Variants in RP1L1 observed in about 807,000 individuals in gnomAD.
RP1L1 encodes the protein retinitis pigmentosa 1-like 1 protein.
In RP1L1, 27 loss-of-function variants were observed where a neutral mutation model predicts 15.7. The observed-to-expected ratio is 1.72, with a 90% CI of 1.27 to 2.38. The LOEUF (loss-of-function observed/expected upper bound fraction) is 2.38, where lower values mean the gene tolerates loss of function less well. Among genes scored for constraint, RP1L1 ranks in the 30% most tolerant of loss-of-function variants. The pLI is 0.00. For synonymous variants in RP1L1, 1,813 were observed against 1,276.7 expected, an observed-to-expected ratio of 1.42 and a Z score of -8.96; for missense variants, 4,798 against 3,075.9, an observed-to-expected ratio of 1.56 and a Z score of -13.24.
rs771041636 is a variant in RP1L1 at position 10,612,711 on chromosome 8, C to T, written c.1387G>A (p.Glu463Lys). The T allele has an allele frequency of 1.7e-5, 28 of 1,604,668 alleles. No homozygotes were observed. The highest frequency in any genetic ancestry group is 8.0e-5 in the African/African-American group (6 of 74,856). The stretch of plus-strand genomic sequence containing the variant: ...CAGGAGGACTCTGGCTCCGAGCCCT[C>T]GGGGAGGCCGGTGCTGGAGGCTGGG... ...ASPASSTGLP[E>K]GSEPESSCCP... Residue 463 changes from glutamate (E) to lysine (K), a missense_variant, in exon 4 of 4, where the codon GAG (glutamate) becomes AAG (lysine). Transcript: ENST00000382483.
rs375128393 is a variant in RP1L1 at position 10,609,488 on chromosome 8, G to T, written c.4610C>A (p.Ala1537Glu). 6.2e-6 allele frequency: 10 copies of T among 1,611,114 alleles called. No individual in the cohort carries two copies. The East Asian group carries it at 2.0e-4, about 32-fold the overall frequency. ...EKAFLAHLAS[A>E]VAELRARWGL... ...CCAGCGTGCTCGGAGCTCAGCCACCGCACTGGCAAGGTGGGCCAGGAAGGC... is the reference window on the plus strand; with the variant it reads ...CCAGCGTGCTCGGAGCTCAGCCACCTCACTGGCAAGGTGGGCCAGGAAGGC... The change falls in exon 4 of 4, where the codon GCG becomes GAG. Residue 1537 changes from alanine (A) to glutamate (E), a missense_variant. Coordinates refer to ENST00000382483, the MANE Select transcript of RP1L1 (RefSeq NM_178857.6).
At chr8:10,633,873 T>C (rs535485506) in intron 1 of RP1L1, among the ~76,000 whole-genome samples, 10 of 152,338 alleles carry the variant, frequency 6.6e-5, no homozygotes, top group African/African-American at 2.4e-4. Context: ...ATATCCCTTT[T>C]CAGCCTCCCT....
At chr8:10,635,069 T>C (rs757965577) in intron 1 of RP1L1, among the ~76,000 whole-genome samples, 1 of 152,160 alleles carries the variant, frequency 6.6e-6, no homozygotes, top group Non-Finnish European at 1.5e-5. Flanking sequence ...GGGCTAATCC[T>C]CATAAACGCA....
In RP1L1 at chr8:10,613,083, A is replaced by T. The variant is rs765975142; in HGVS notation, c.1015T>A (p.Trp339Arg). The T allele has an allele frequency of 6.2e-7, 1 of 1,613,792 alleles. No individual in the cohort carries two copies. Among genetic ancestry groups the T allele is most frequent in the Admixed American group, 1.7e-5 (1 of 60,038 alleles). The change falls in exon 4 of 4, where the codon TGG (tryptophan) becomes AGG (arginine). Residue 339 changes from tryptophan (W) to arginine (R), a missense_variant. Transcript: ENST00000382483. ...CTGGCCCTGCCCATCCTCCGGGACCATAGGAGCGTGTCCTCGCCGACCAGG... is the reference window on the plus strand; with the variant it reads ...CTGGCCCTGCCCATCCTCCGGGACCTTAGGAGCGTGTCCTCGCCGACCAGG... ...FHLVGEDTLL[W>R]SRRMGRASAL...
intron 1 of RP1L1, among the ~76,000 whole-genome samples, chr8:10,625,328 G>T (rs918901794): frequency 5.9e-5 from 9 of 152,188 alleles, no homozygotes; most frequent in Non-Finnish European, 8.8e-5. Context: ...GAGGGAGAAG[G>T]CTCTTCCTCC....
chr8:10,639,028 T>G (rs1018776644), intron 1 of RP1L1, among the ~76,000 whole-genome samples: 7 of 151,596 alleles, frequency 4.6e-5, no homozygotes, highest in African/African-American at 1.7e-4. Flanking sequence ...GCCTGTAATC[T>G]CAGCTACTTG....
intron 1 of RP1L1, among the ~76,000 whole-genome samples, chr8:10,647,904 G>A (rs1344503518): frequency 6.6e-6 from 1 of 152,128 alleles, no homozygotes; most frequent in Non-Finnish European, 1.5e-5. Flanking sequence ...TTAATTTCTT[G>A]GAGGAAACTC....
chr8:10,637,271 G>A (rs534161296), intron 1 of RP1L1, among the ~76,000 whole-genome samples: 19 of 152,278 alleles, frequency 1.2e-4, no homozygotes, highest in South Asian at 8.3e-4. Context: ...TGCGCAGAGT[G>A]GCAAGGTCCT....
rs751415374 is a variant in RP1L1 at position 10,612,500 on chromosome 8, G to A, written c.1598C>T (p.Ser533Leu). 1.1e-5 allele frequency: 18 copies of A among 1,612,342 alleles called. No homozygotes were observed. The highest frequency in any genetic ancestry group is 5.0e-5 in the Admixed American group (3 of 60,028). ...AGAGCCGGTGCTGGCTGACGAGTCC[G>A]AAGAAGCCCCCTCCTCACTCCGGGC... ...PRARSEEGASSDSSASTGSHE... is the reference protein window; with the variant it reads ...PRARSEEGASLDSSASTGSHE... Residue 533 changes from serine to leucine, a missense_variant, in exon 4 of 4, where the codon TCG (serine) becomes TTG (leucine). Physicochemically the swap from Ser to Leu is moderately radical, Grantham distance 145. Transcript: ENST00000382483.
At chr8:10,624,397 C>T (rs1169705716) in intron 1 of RP1L1, among the ~76,000 whole-genome samples, 6 of 152,174 alleles carry the variant, frequency 3.9e-5, no homozygotes, top group Non-Finnish European at 8.8e-5. Flanking sequence ...CACACATACA[C>T]CACAATATAC....
At chr8:10,631,158 G>C (rs1013642789) in intron 1 of RP1L1, among the ~76,000 whole-genome samples, 2 of 152,094 alleles carry the variant, frequency 1.3e-5, no homozygotes, top group African/African-American at 4.8e-5. Context: ...GGATATTTTA[G>C]ACGGCCCAGG....
rs144541636 is a variant in RP1L1, at chr8:10,608,371, C to T, written c.5727G>A (p.Pro1909=). 8.5e-5 allele frequency: 137 copies of T among 1,612,540 alleles called. No individual in the cohort carries two copies. The African/African-American group carries it at 1.1e-3, about 13-fold the overall frequency. The change falls in exon 4 of 4, where the codon CCG becomes CCA. Residue 1909 remains proline, a synonymous_variant. Transcript: ENST00000382483. ...CTGGCTGGGCCTCCTTTTCTGCCTCCGGGGCTTCTGCACCTTCTGACTCTG... is the reference window on the plus strand; with the variant it reads ...CTGGCTGGGCCTCCTTTTCTGCCTCTGGGGCTTCTGCACCTTCTGACTCTG... The part of the protein sequence containing the change: ...VQPESEGAEA[P]EAEKEAQPET...
At chr8:10,643,369 G>C (rs1798433972) in intron 1 of RP1L1, among the ~76,000 whole-genome samples, 1 of 152,164 alleles carries the variant, frequency 6.6e-6, no homozygotes, top group South Asian at 2.1e-4. Flanking sequence ...TATCAGAATG[G>C]TGTCTCTCTG....
intron 1 of RP1L1, among the ~76,000 whole-genome samples, chr8:10,644,724 A>C (rs910148282): frequency 2.0e-5 from 3 of 152,162 alleles, no homozygotes; most frequent in African/African-American, 7.2e-5. Flanking sequence ...CCACACCCAC[A>C]GCTCTCACAC....
At position 10,608,948 on chromosome 8, in the gene RP1L1, G is replaced by A. The variant is rs1404466845; in HGVS notation, c.5150C>T (p.Pro1717Leu). The change falls in exon 4 of 4, where the codon CCC becomes CTC. Residue 1717 changes from proline to leucine, a missense_variant. Pro to Leu is a moderately conservative substitution (Grantham distance 98). Coordinates refer to ENST00000382483, the MANE Select transcript of RP1L1 (RefSeq NM_178857.6). ...TCCCTGGACAGTCCTAGTGCTCGTG[G>A]GGTCCGTGTGGGTCTTGCCAGGGGC... ...EVAPGKTHTD[P>L]TSTRTVQGAE... is the part of the protein sequence containing the mutation. 3.1e-6 allele frequency: 5 copies of A among 1,613,858 alleles called. No homozygotes were observed. The highest frequency in any genetic ancestry group is 4.2e-6 in the Non-Finnish European group (5 of 1,179,806).
intron 1 of RP1L1, among the ~76,000 whole-genome samples, chr8:10,632,419 G>C (rs765109822): frequency 2.0e-5 from 3 of 152,192 alleles, no homozygotes; most frequent in Non-Finnish European, 4.4e-5. Flanking sequence ...GTAACAATCA[G>C]CTCCTGAGCT....
At chr8:10,620,380 T>C (rs1291912028) in intron 2 of RP1L1, among the ~76,000 whole-genome samples, 1 of 152,034 alleles carries the variant, frequency 6.6e-6, no homozygotes, top group Non-Finnish European at 1.5e-5. Flanking sequence ...CCGAGGCAGA[T>C]GAGTCACCTG....
rs1047234666 is a variant in RP1L1, at chr8:10,608,444, G to C, written c.5654C>G (p.Pro1885Arg). 1 of 1,603,020 alleles carries C rather than the reference G, an allele frequency of 6.2e-7. No individual in the cohort carries two copies. The highest frequency in any genetic ancestry group is 1.4e-5 in the African/African-American group (1 of 73,544). ...TGGGGTCTCTACATCTTCTGACTCT[G>C]GCTGGGCCTCTCCTTCTGCCTCTGG... ...EAPEAEGEAQ[P>R]ESEDVETPEA... is the part of the protein sequence containing the mutation. The change falls in exon 4 of 4, where the codon CCA (proline) becomes CGA (arginine). Residue 1885 changes from proline to arginine, a missense_variant. Pro to Arg is a moderately radical substitution (Grantham distance 103). Coordinates refer to ENST00000382483, the MANE Select transcript of RP1L1 (RefSeq NM_178857.6).
At position 10,608,636 on chromosome 8, in the gene RP1L1, C is replaced by A; in HGVS notation, c.5462G>T (p.Gly1821Val). 1 of 1,614,196 alleles carries A rather than the reference C, an allele frequency of 6.2e-7. No homozygotes were observed. Among genetic ancestry groups the A allele is most frequent in the Non-Finnish European group, 8.5e-7 (1 of 1,180,032 alleles). ...EDNLQGEAAA[G>V]GDQDPGQSDG... ...ACTCTGTCCTGGATCTTGGTCACCT[C>A]CTGCCGCAGCTTCACCCTGCAAGTT... is the stretch of plus-strand genomic sequence containing the variant. Residue 1821 changes from glycine to valine, a missense_variant, in exon 4 of 4, where the codon GGA becomes GTA. By Grantham distance (109) the Gly-to-Val change is moderately radical. Transcript: ENST00000382483.
Sources: allele counts gnomAD v4.1 joint callset (sites outside exome capture counted in the v4.1 genomes callset), GRCh38; gene constraint gnomAD v4.1.1; transcripts MANE v1.5; gene names NCBI Gene and HGNC (gene_info 2026-07-23, HGNC 2026-07-21).